The following DOCK5 variants were observed in gnomAD, a reference collection of about 807,000 sequenced individuals.
The protein encoded by DOCK5 is dedicator of cytokinesis protein 5.
In DOCK5, 142 loss-of-function variants were observed where a neutral mutation model predicts 251.8. The ratio of observed to expected loss-of-function variants is 0.56; its 90% CI spans 0.49 to 0.65. The LOEUF (loss-of-function observed/expected upper bound fraction) is 0.65, where lower values mean the gene tolerates loss of function less well. Among genes scored for constraint, DOCK5 ranks in the 30% least tolerant of loss-of-function variants. The pLI is 0.00. For synonymous variants in DOCK5, 842 were observed against 835.5 expected (o/e 1.01, Z -0.13); for missense variants, 2,111 against 2,312.3 (o/e 0.91, Z 1.79).
intron 5 of DOCK5, among the ~76,000 whole-genome samples, chr8:25,280,626 A>G (rs1303755801): frequency 6.6e-6 from 1 of 152,192 alleles, no homozygotes; most frequent in Non-Finnish European, 1.5e-5. Context: ...CCTCTGGACA[A>G]TAGAAGCACT....
intron 44 of DOCK5, among the ~76,000 whole-genome samples, chr8:25,394,557 T>C (rs1482071747): frequency 6.7e-6 from 1 of 149,362 alleles, no homozygotes; most frequent in Non-Finnish European, 1.5e-5. Context: ...TTACCTCTTT[T>C]CATGGAGGAA....
chr8:25,355,386 A>T (rs1800549195), intron 27 of DOCK5, among the ~76,000 whole-genome samples: 1 of 152,264 alleles, frequency 6.6e-6, no homozygotes, highest in East Asian at 1.9e-4. Flanking sequence ...CAGCATATCT[A>T]CAAAACCCAA....
chr8:25,390,391 G>A (rs1462354316), intron 42 of DOCK5, 104 bp downstream of exon 42: 8 of 1,040,316 alleles, frequency 7.7e-6, no homozygotes, highest in Admixed American at 5.6e-5. Context: ...AGTATTGCTC[G>A]AAGCCAGGAA....
At chr8:25,275,523 CT>C in intron 4 of DOCK5, 82 bp downstream of exon 4, 2 of 1,353,628 alleles carry the variant, frequency 1.5e-6, no homozygotes, top group Non-Finnish European at 2.1e-6. Flanking sequence ...GCATTAATGC[CT>C]TATGTACGTT....
intron 25 of DOCK5, among the ~76,000 whole-genome samples, chr8:25,344,114 T>C (rs1442646461): frequency 1.3e-5 from 2 of 152,076 alleles, no homozygotes; most frequent in Non-Finnish European, 2.9e-5. Flanking sequence ...GGCCAAGCTG[T>C]TTTCTTTAGG....
intron 6 of DOCK5, among the ~76,000 whole-genome samples, chr8:25,293,606 T>G (rs1804547001): frequency 6.6e-6 from 1 of 152,192 alleles, no homozygotes; most frequent in South Asian, 2.1e-4. Flanking sequence ...TGCTGCCTTC[T>G]TAGGGTTAAG....
chr8:25,208,982 G>A (rs1179088034), intron 1 of DOCK5, among the ~76,000 whole-genome samples: 1 of 152,180 alleles, frequency 6.6e-6, no homozygotes, highest in African/African-American at 2.4e-5. Flanking sequence ...TAGCCAGTAG[G>A]AACATGTGGT....
chr8:25,292,064 C>T lies in DOCK5; in HGVS notation c.362C>T (p.Thr121Met), dbSNP rs141731570. Residue 121 changes from threonine (T) to methionine (M), a missense_variant, in exon 6 of 52, where the codon ACG becomes ATG. By Grantham distance (81) the Thr-to-Met change is moderately conservative. Coordinates refer to ENST00000276440, the MANE Select transcript of DOCK5 (RefSeq NM_024940.8). ...CTCTTCCGCCAGCTGCAGCAGATGA[C>T]GTACAGCCTGATCGAGTGGCGGTCC... is the stretch of plus-strand genomic sequence containing the variant. ...LTLFRQLQQM[T>M]YSLIEWRSQI... is the part of the protein sequence containing the mutation. 126 of 1,604,580 alleles carry T rather than the reference C, an allele frequency of 7.9e-5. No homozygotes were observed. Among genetic ancestry groups the T allele is most frequent in the Middle Eastern group, 6.6e-4 (4 of 6,080 alleles).
chr8:25,224,026 T>C (rs1178577202), intron 1 of DOCK5, among the ~76,000 whole-genome samples: 1 of 152,252 alleles, frequency 6.6e-6, no homozygotes, highest in African/African-American at 2.4e-5. Context: ...TTAATATTTG[T>C]TGAATGAATG....
chr8:25,398,374 T>G (rs922433000), intron 45 of DOCK5, among the ~76,000 whole-genome samples: 1 of 152,228 alleles, frequency 6.6e-6, no homozygotes, highest in African/African-American at 2.4e-5. Context: ...TGCTAATGTA[T>G]TATATTGTCA....
At position 25,408,841 on chromosome 8, in the gene DOCK5, T is replaced by A; in HGVS notation, c.5305T>A (p.Leu1769Met). 1.9e-6 allele frequency: 3 copies of A among 1,613,988 alleles called. No homozygotes were observed. The highest frequency in any genetic ancestry group is 1.1e-5 in the South Asian group (1 of 91,074). ...RKAQRPKSLQ[L>M]MDNRLSPFHG... Reference sequence around the variant, plus strand: ...AGCACAAAGGCCAAAGAGTCTCCAGTTGATGGATAATCGGCTATCACCATT... The same window carrying A: ...AGCACAAAGGCCAAAGAGTCTCCAGATGATGGATAATCGGCTATCACCATT... The change falls in exon 50 of 52, where the codon TTG becomes ATG. Residue 1769 changes from leucine (L) to methionine (M), a missense_variant. Around this residue, in one of 3 missense-constraint regions of DOCK5, gnomAD observed 1,717 missense variants for 1,892.4 expected, o/e 0.91. Coordinates refer to ENST00000276440, the MANE Select transcript of DOCK5 (RefSeq NM_024940.8).
intron 34 of DOCK5, among the ~76,000 whole-genome samples, chr8:25,371,898 T>C (rs1467849385): frequency 8.3e-6 from 1 of 121,108 alleles, no homozygotes; most frequent in Non-Finnish European, 1.9e-5. Context: ...TTTCCCAGGT[T>C]TTCTTTTAAT....
intron 2 of DOCK5, among the ~76,000 whole-genome samples, chr8:25,263,850 T>G (rs1395906783): frequency 6.6e-6 from 1 of 151,862 alleles, no homozygotes; most frequent in African/African-American, 2.4e-5. Context: ...GGCTCAGTAC[T>G]CAGCTGCCCA....
Position 25,310,441 on chromosome 8 carries a change from C to T in DOCK5, c.1227C>T (p.Asp409=). 1.2e-6 allele frequency: 2 copies of T among 1,613,736 alleles called. No individual in the cohort carries two copies. The highest frequency in any genetic ancestry group is 1.7e-6 in the Non-Finnish European group (2 of 1,179,804). The change falls in exon 13 of 52, where the codon GAC becomes GAT. Residue 409 remains aspartate, a synonymous_variant. Coordinates refer to ENST00000276440, the MANE Select transcript of DOCK5 (RefSeq NM_024940.8). ...TATCCTTGAAGCTCTTGCCCGGTGA[C>T]CTCACCCAGGTTCAGAAGAATTTTT... The part of the protein sequence containing the change: ...LWVSLKLLPG[D]LTQVQKNFSH...
At chr8:25,262,031 A>C (rs1803599634) in intron 2 of DOCK5, among the ~76,000 whole-genome samples, 1 of 152,226 alleles carries the variant, frequency 6.6e-6, no homozygotes, top group South Asian at 2.1e-4. Context: ...CAGTACTCCC[A>C]TTGATGTACA....
chr8:25,395,893 A>G (rs952028768), intron 45 of DOCK5, 174 bp downstream of exon 45: 5 of 826,392 alleles, frequency 6.1e-6, no homozygotes, highest in Admixed American at 4.1e-5. Context: ...CTTAGAGACT[A>G]TCAGCAACCC....
chr8:25,360,770 TA>T (rs1251469352), intron 28 of DOCK5, among the ~76,000 whole-genome samples: 2 of 152,096 alleles, frequency 1.3e-5, no homozygotes, highest in Non-Finnish European at 2.9e-5. Flanking sequence ...AAATTAACAA[TA>T]AAAATTCTAG....
intron 45 of DOCK5, among the ~76,000 whole-genome samples, 185 bp from the exon 46 acceptor site, chr8:25,399,726 G>A (rs1219884641): frequency 6.6e-6 from 1 of 152,184 alleles, no homozygotes; most frequent in Admixed American, 6.5e-5. Flanking sequence ...ATTAAGGAAA[G>A]ACCACACAAT....
At chr8:25,367,571 TG>T (rs1755864708) in intron 31 of DOCK5, among the ~76,000 whole-genome samples, 1 of 152,240 alleles carries the variant, frequency 6.6e-6, no homozygotes. Context: ...TTCCCCTTGT[TG>T]GGATATCTGC....
Sources: gnomAD v4.1 joint callset for allele counts (sites outside exome capture counted in the v4.1 genomes callset) on GRCh38, gnomAD v4.1.1 for gene constraint, gnomAD v4.1.1 regional missense constraint, MANE v1.5 for transcripts, NCBI Gene and HGNC (gene_info 2026-07-23, HGNC 2026-07-21) for gene names.